TDRD1: variants seen among roughly 807,000 people sequenced by gnomAD.
TDRD1 encodes the protein tudor domain-containing protein 1.
TDRD1 carries 37 observed loss-of-function variants against 140.6 expected under a neutral mutation model. The ratio of observed to expected loss-of-function variants is 0.26; its 90% CI spans 0.20 to 0.35. TDRD1 has a LOEUF of 0.35. TDRD1 is among the 10% of genes least tolerant of loss of function. TDRD1 has a pLI of 1.00. For missense variants in TDRD1, 1,243 were observed against 1,393.0 expected (o/e 0.89, Z 1.71); for synonymous variants, 506 against 475.7 (o/e 1.06, Z -0.83).
Position 114,200,626 on chromosome 10 carries a change from C to T in TDRD1, c.530-784C>T, listed in dbSNP as rs575847633. On this transcript the variant is annotated intron_variant, in intron 4 of 25. Coordinates refer to ENST00000251864, the Ensembl canonical transcript of TDRD1. ...TGGCACTCTGCCTCCTGGGTTCAGG[C>T]GATTCTCCTGCCTCAGCCTTCCAAG... Among the ~76,000 whole-genome samples the T allele has an allele frequency of 8.6e-5, 13 of 151,974 alleles. No individual in the cohort carries two copies. In the East Asian group the frequency reaches 1.9e-3, roughly 23 times the overall value.
At chr10:114,199,379 T>G in intron 4 of TDRD1, 62 bp downstream of exon 4, 1 of 1,545,812 alleles carries the variant, frequency 6.5e-7, no homozygotes, top group Non-Finnish European at 8.7e-7. Context: ...ACATTTTTAT[T>G]GTGGCAGATG....
chr10:114,209,852 A>G lies in TDRD1; in HGVS notation c.1385-729A>G, dbSNP rs956808284. On this transcript the variant is annotated intron_variant, in intron 11 of 25. Transcript: ENST00000251864. Reference sequence around the variant, plus strand: ...TGAAGTCAGCCTTAGTTTTATGTGAATGATATCTTATCCTTTAATTCCTTA... The same window carrying G: ...TGAAGTCAGCCTTAGTTTTATGTGAGTGATATCTTATCCTTTAATTCCTTA... Among the ~76,000 whole-genome samples the G allele has an allele frequency of 2.6e-5, 4 of 152,212 alleles. No homozygotes were observed. In the South Asian group the frequency reaches 6.2e-4, roughly 24 times the overall value.
intron 1 of TDRD1, 67 bp from the exon 2 acceptor site, chr10:114,187,759 C>A: frequency 7.5e-7 from 1 of 1,327,528 alleles, no homozygotes; most frequent in Non-Finnish European, 1.0e-6. Context: ...GAGAATTCCT[C>A]TGAGCCTGCA....
intron 3 of TDRD1, among the ~76,000 whole-genome samples, chr10:114,198,037 G>C (rs538924366): frequency 1.1e-3 from 163 of 152,218 alleles, no homozygotes; most frequent in African/African-American, 3.6e-3. Flanking sequence ...GCCAGGTCGG[G>C]GGGTATATGT....
chr10:114,219,587 ATT>A (rs11327196), intron 18 of TDRD1, among the ~76,000 whole-genome samples: 165 of 135,118 alleles, frequency 1.2e-3, no homozygotes, highest in East Asian at 2.7e-3. Context: ...TCTTTTTTTA[ATT>A]TTTTTTTTTT....
At chr10:114,193,355 C>T (rs2034124896) in intron 3 of TDRD1, among the ~76,000 whole-genome samples, 1 of 136,382 alleles carries the variant, frequency 7.3e-6, no homozygotes, top group African/African-American at 2.8e-5. Context: ...TGCAGGGCTG[C>T]TATCTTGGCT....
intron 3 of TDRD1, among the ~76,000 whole-genome samples, chr10:114,193,375 C>T (rs1387201490): frequency 2.7e-5 from 4 of 149,860 alleles, no homozygotes; most frequent in African/African-American, 9.9e-5. Flanking sequence ...TCACTGCAAC[C>T]TCTGCCTCCC....
intron 2 of TDRD1, among the ~76,000 whole-genome samples, chr10:114,190,059 G>A (rs538360868): frequency 3.3e-5 from 5 of 152,034 alleles, no homozygotes; most frequent in South Asian, 2.1e-4. Flanking sequence ...ATTCCTCCTC[G>A]TTGCAAATAC....
intron 5 of TDRD1, among the ~76,000 whole-genome samples, 193 bp downstream of exon 5, chr10:114,201,708 A>C (rs975166545): frequency 6.6e-6 from 1 of 152,234 alleles, no homozygotes; most frequent in African/African-American, 2.4e-5. Flanking sequence ...CAGGTAGTAC[A>C]TGTGAAGATT....
At chr10:114,229,229 AT>A (rs2036614987) in intron 25 of TDRD1, among the ~76,000 whole-genome samples, 1 of 152,236 alleles carries the variant, frequency 6.6e-6, no homozygotes, top group Non-Finnish European at 1.5e-5. Context: ...TGGTTAACAA[AT>A]TTATATTAAA....
Position 114,194,758 on chromosome 10 carries a change from GT to G in TDRD1, c.384+3755del, listed in dbSNP as rs11427150. ...TTGTCTTTTTAGTGGTTGGTTGTTG[GT>G]TTTTTTTTTTTTTTTATTAGACAAG... On this transcript the variant is annotated intron_variant, in intron 3 of 25. Coordinates refer to ENST00000251864, the Ensembl canonical transcript of TDRD1. Among the ~76,000 whole-genome samples, 868 of 132,792 alleles carry G rather than the reference GT, an allele frequency of 6.5e-3. 7 individuals carry two copies. The highest frequency in any genetic ancestry group is 0.019 in the African/African-American group (691 of 35,828). The allele number at this position is 132,792 out of a possible 152,430, so 87.1% of individuals were successfully genotyped here.
At chr10:114,221,270 C>A in intron 19 of TDRD1, 87 bp from the exon 20 acceptor site, 3 of 1,225,794 alleles carry the variant, frequency 2.4e-6, no homozygotes, top group Non-Finnish European at 3.5e-6. Context: ...ATTTCATGAA[C>A]AAATGATTGA....
intron 18 of TDRD1, among the ~76,000 whole-genome samples, chr10:114,220,116 TA>T (rs1262988663): frequency 1.4e-4 from 22 of 152,306 alleles, no homozygotes; most frequent in African/African-American, 5.3e-4. Context: ...AAATCGCTGC[TA>T]AGAAAACAAG....
At chr10:114,203,446 A>G in exon 8 of TDRD1, 1 of 1,613,974 alleles carries the variant, frequency 6.2e-7, no homozygotes, top group Non-Finnish European at 8.5e-7. Context: ...TATTCTTCAG[A>G]AGTTTTAGAA....
intron 13 of TDRD1, 82 bp downstream of exon 13, chr10:114,211,049 A>C: frequency 8.7e-7 from 1 of 1,153,360 alleles, no homozygotes; most frequent in Non-Finnish European, 1.2e-6. Context: ...ATTGAAACAG[A>C]GTCTTTGGTT....
chr10:114,220,322 C>T (rs1376947074), intron 18 of TDRD1, among the ~76,000 whole-genome samples: 26 of 152,168 alleles, frequency 1.7e-4, no homozygotes, highest in Non-Finnish European at 5.9e-5. Context: ...TGGAAAATGC[C>T]CGGTAAAGAT....
intron 16 of TDRD1, among the ~76,000 whole-genome samples, chr10:114,215,288 T>C (rs2035745942): frequency 2.0e-5 from 3 of 152,316 alleles, no homozygotes; most frequent in East Asian, 1.9e-4. Context: ...GTGAATTGTA[T>C]TGCAGTTTCT....
intron 25 of TDRD1, chr10:114,228,290 AG>A: frequency 7.1e-7 from 1 of 1,399,502 alleles, no homozygotes; most frequent in South Asian, 1.7e-5. Flanking sequence ...CTGTTTTTGT[AG>A]GTTTATCTGA....
chr10:114,201,919 G>A (rs936517092), intron 5 of TDRD1, among the ~76,000 whole-genome samples: 1 of 152,182 alleles, frequency 6.6e-6, no homozygotes, highest in African/African-American at 2.4e-5. Flanking sequence ...TCAAAATTCT[G>A]TGTAAGTAAT....
Sources: gnomAD v4.1 joint callset for allele counts (sites outside exome capture counted in the v4.1 genomes callset) on GRCh38, gnomAD v4.1.1 for gene constraint, MANE v1.5 for transcripts, NCBI Gene and HGNC (gene_info 2026-07-23, HGNC 2026-07-21) for gene names.